Variants in MAF observed in about 807,000 individuals in gnomAD.
The protein encoded by MAF is MAF bZIP transcription factor.
A neutral mutation model predicts 22.0 loss-of-function variants in MAF; 10 were observed. The observed-to-expected ratio is 0.45, with a 90% confidence interval of 0.28 to 0.77. The LOEUF is 0.77. Among genes scored for constraint, MAF ranks in the 30% least tolerant of loss-of-function variants. The probability of loss-of-function intolerance (pLI) is 0.12; values close to 1 mark genes in which losing one functional copy is unlikely to be tolerated. For synonymous variants in MAF, 337 were observed against 255.8 expected (o/e 1.32, Z -3.03); for missense variants, 544 against 548.4 (o/e 0.99, Z 0.08).
chr16:79,276,247 A>C, the MAF span, among the ~76,000 whole-genome samples: 8 of 152,262 alleles, frequency 5.3e-5, no homozygotes, highest in Admixed American at 2.0e-4. Flanking sequence ...AACAGTGTGC[A>C]TTTTGAGGCT....
At chr16:79,410,547 G>A in the MAF span, among the ~76,000 whole-genome samples, 1 of 152,140 alleles carries the variant, frequency 6.6e-6, no homozygotes, top group Non-Finnish European at 1.5e-5. Context: ...GTACATATGT[G>A]GAAGGAAATA....
chr16:79,432,014 A>G, the MAF span, among the ~76,000 whole-genome samples: 1 of 151,812 alleles, frequency 6.6e-6, no homozygotes, highest in African/African-American at 2.4e-5. Flanking sequence ...TCCAAACCCT[A>G]TGATGTGGTT....
the MAF span, among the ~76,000 whole-genome samples, chr16:79,555,609 A>G: frequency 6.6e-6 from 1 of 152,178 alleles, no homozygotes; most frequent in South Asian, 2.1e-4. Flanking sequence ...TGAAGTCCAA[A>G]ATGCTCCAAA....
chr16:79,467,081 C>G, the MAF span, among the ~76,000 whole-genome samples: 1 of 152,136 alleles, frequency 6.6e-6, no homozygotes, highest in Admixed American at 6.5e-5. Context: ...TTGTTGTCAC[C>G]CCTGTTTAAA....
At chr16:79,466,997 T>G in the MAF span, among the ~76,000 whole-genome samples, 2 of 152,164 alleles carry the variant, frequency 1.3e-5, no homozygotes, top group Non-Finnish European at 2.9e-5. Flanking sequence ...TATTCCTACA[T>G]TCACTCCTGG....
chr16:79,368,963 G>C, the MAF span, among the ~76,000 whole-genome samples: 1 of 151,896 alleles, frequency 6.6e-6, no homozygotes, highest in Non-Finnish European at 1.5e-5. Context: ...TTGTTGTTTT[G>C]CTGTCTCCTC....
At chr16:79,446,212 G>A in the MAF span, among the ~76,000 whole-genome samples, 1 of 152,294 alleles carries the variant, frequency 6.6e-6, no homozygotes, top group East Asian at 1.9e-4. Flanking sequence ...GATCCTCTGG[G>A]AGAGGCACTG....
At chr16:79,563,372 CT>C in the MAF span, among the ~76,000 whole-genome samples, 37 of 152,212 alleles carry the variant, frequency 2.4e-4, no homozygotes, top group African/African-American at 8.2e-4. Flanking sequence ...AATTTAAAAA[CT>C]GAAGCAGTGA....
chr16:79,357,600 C>T, the MAF span, among the ~76,000 whole-genome samples: 1 of 152,172 alleles, frequency 6.6e-6, no homozygotes, highest in Non-Finnish European at 1.5e-5. Flanking sequence ...AGTGACTTTG[C>T]TAATTACTGT....
At chr16:79,403,911 C>T in the MAF span, among the ~76,000 whole-genome samples, 3 of 152,228 alleles carry the variant, frequency 2.0e-5, no homozygotes, top group South Asian at 6.2e-4. Flanking sequence ...GGCATGTCTT[C>T]CTTCCATGGT....
At chr16:79,512,868 G>A in the MAF span, among the ~76,000 whole-genome samples, 2 of 152,164 alleles carry the variant, frequency 1.3e-5, no homozygotes, top group Non-Finnish European at 2.9e-5. Flanking sequence ...GCACAGCGCC[G>A]AAGACATTCC....
chr16:79,494,016 T>C, the MAF span, among the ~76,000 whole-genome samples: 4 of 152,094 alleles, frequency 2.6e-5, no homozygotes, highest in African/African-American at 9.7e-5. Flanking sequence ...GTCATTTCCA[T>C]GGTGACAGCA....
the MAF span, among the ~76,000 whole-genome samples, chr16:79,555,516 C>T: frequency 6.6e-6 from 1 of 151,724 alleles, no homozygotes; most frequent in South Asian, 2.1e-4. Flanking sequence ...TTTAAGCTAC[C>T]AATGTAAAAT....
chr16:79,411,844 C>G, the MAF span, among the ~76,000 whole-genome samples: 1 of 152,172 alleles, frequency 6.6e-6, no homozygotes, highest in Admixed American at 6.5e-5. Context: ...CTTCCTCAAC[C>G]ACCCAGGCAA....
At chr16:79,488,758 G>A in the MAF span, among the ~76,000 whole-genome samples, 1 of 152,184 alleles carries the variant, frequency 6.6e-6, no homozygotes, top group Admixed American at 6.5e-5. Context: ...AGAGAATGCA[G>A]TGCACAAAGC....
At chr16:79,342,237 G>T in the MAF span, among the ~76,000 whole-genome samples, 1 of 152,140 alleles carries the variant, frequency 6.6e-6, no homozygotes, top group Admixed American at 6.5e-5. Context: ...CACACAGCCT[G>T]CTTCACTTTC....
the MAF span, among the ~76,000 whole-genome samples, chr16:79,308,895 A>G: frequency 6.6e-6 from 1 of 152,190 alleles, no homozygotes. Flanking sequence ...AGACGGGAGA[A>G]TATAGGACTC....
chr16:79,526,907 TAGAA>T, the MAF span, among the ~76,000 whole-genome samples: 3 of 152,138 alleles, frequency 2.0e-5, no homozygotes, highest in Non-Finnish European at 2.9e-5. Flanking sequence ...TAAATAAAAA[TAGAA>T]AGGGGGAATT....
At chr16:79,515,752 T>C in the MAF span, among the ~76,000 whole-genome samples, 1 of 152,092 alleles carries the variant, frequency 6.6e-6, no homozygotes. Flanking sequence ...CAGGAAGAGA[T>C]GTGAGTGGCA....
Sources: gnomAD v4.1 joint callset for allele counts (sites outside exome capture counted in the v4.1 genomes callset) on GRCh38, gnomAD v4.1.1 for gene constraint, MANE v1.5 for transcripts, NCBI Gene and HGNC (gene_info 2026-07-23, HGNC 2026-07-21) for gene names.